CACNA1E: variants seen among roughly 807,000 people sequenced by gnomAD.
CACNA1E encodes the protein calcium voltage-gated channel subunit alpha1 E.
CACNA1E carries 40 observed loss-of-function variants against 259.2 expected under a neutral mutation model. The observed-to-expected ratio is 0.15, with a 90% CI of 0.12 to 0.20. The LOEUF (loss-of-function observed/expected upper bound fraction) is 0.20. Ranked by LOEUF, CACNA1E falls within the 10% of genes least tolerant of loss-of-function variation. CACNA1E has a pLI of 1.00. For missense variants in CACNA1E, 1,874 were observed against 3,040.1 expected, an observed-to-expected ratio of 0.62 and a Z score of 9.02; for synonymous variants, 1,104 against 1,138.5, an observed-to-expected ratio of 0.97 and a Z score of 0.61.
At chr1:181,750,936 G>T (rs761484588) in intron 26 of CACNA1E, among the ~76,000 whole-genome samples, 7 of 151,584 alleles carry the variant, frequency 4.6e-5, no homozygotes, top group African/African-American at 1.5e-4. Context: ...TTTTGGCCTC[G>T]TTTTCTGTGA....
intron 2 of CACNA1E, among the ~76,000 whole-genome samples, chr1:181,473,577 G>T (rs1423603693): frequency 6.7e-6 from 1 of 149,720 alleles, no homozygotes; most frequent in Non-Finnish European, 1.5e-5. Flanking sequence ...TGCCATTTTT[G>T]CATGTAAGGA....
intron 43 of CACNA1E, among the ~76,000 whole-genome samples, chr1:181,786,052 T>C (rs1384091979): frequency 6.6e-6 from 1 of 152,218 alleles, no homozygotes; most frequent in African/African-American, 2.4e-5. Context: ...GAATGAACAA[T>C]AGAAGAAGGG....
At chr1:181,783,638 T>G (rs1343917254) in intron 39 of CACNA1E, 41 bp from the exon 40 acceptor site, 1 of 1,167,914 alleles carries the variant, frequency 8.6e-7, no homozygotes, top group African/African-American at 1.6e-5. Context: ...TTTCAATTTT[T>G]TTTTTTTTTG....
At position 181,803,547 on chromosome 1, in the gene CACNA1E, A is replaced by G. The variant is rs970205168; in HGVS notation, c.*4713A>G. The G allele has an allele frequency of 5.3e-5, 8 of 152,138 alleles. No individual in the cohort carries two copies. The highest frequency in any genetic ancestry group is 1.9e-4 in the African/African-American group (8 of 41,410). 9.4% of individuals were successfully genotyped at this position (152,138 alleles called of 1,614,324 possible). ...CATCATAGCCAGGTCTACCCCAAAT[A>G]GAGCAGCAGCTGATGGCTTCTCTGC... On this transcript the variant is annotated 3_prime_UTR_variant, in exon 48 of 48. Coordinates refer to ENST00000367573, the MANE Select transcript of CACNA1E (RefSeq NM_001205293.3).
intron 1 of CACNA1E, among the ~76,000 whole-genome samples, chr1:181,399,317 C>T (rs552419262): frequency 4.6e-5 from 7 of 150,654 alleles, no homozygotes; most frequent in South Asian, 2.1e-4. Context: ...GAGTTATTTC[C>T]GTAGAGCTAT....
chr1:181,335,652 G>A (rs1651651154), intron 1 of CACNA1E, among the ~76,000 whole-genome samples: 1 of 152,152 alleles, frequency 6.6e-6, no homozygotes, highest in African/African-American at 2.4e-5. Context: ...CCCTCTCTTT[G>A]GGCCTTTTTA....
intron 6 of CACNA1E, among the ~76,000 whole-genome samples, chr1:181,600,661 G>T (rs1653653007): frequency 6.6e-6 from 1 of 152,126 alleles, no homozygotes; most frequent in South Asian, 2.1e-4. Flanking sequence ...GGGGAGCCGA[G>T]AGAAGGGGCA....
At chr1:181,684,360 A>T (rs1468338297) in intron 7 of CACNA1E, among the ~76,000 whole-genome samples, 2 of 152,006 alleles carry the variant, frequency 1.3e-5, no homozygotes. Context: ...TAAGTTTCTT[A>T]TAGATTCTGG....
At chr1:181,762,938 C>T (rs766183842) in intron 33 of CACNA1E, among the ~76,000 whole-genome samples, 2 of 152,150 alleles carry the variant, frequency 1.3e-5, no homozygotes, top group African/African-American at 2.4e-5. Context: ...GTATGCATAG[C>T]GTTGCACTAG....
chr1:181,569,726 AT>A (rs1391794945), intron 3 of CACNA1E, among the ~76,000 whole-genome samples: 1 of 152,224 alleles, frequency 6.6e-6, no homozygotes, highest in East Asian at 1.9e-4. Flanking sequence ...CTAATCTGCA[AT>A]TGGAAATGTA....
chr1:181,322,181 A>G (rs1650408759), intron 1 of CACNA1E, among the ~76,000 whole-genome samples: 2 of 152,204 alleles, frequency 1.3e-5, no homozygotes, highest in South Asian at 4.1e-4. Flanking sequence ...ATGCTGGCAT[A>G]TATTACTTTG....
At chr1:181,750,674 A>G (rs1249541020) in intron 26 of CACNA1E, among the ~76,000 whole-genome samples, 187 bp downstream of exon 26, 1 of 152,144 alleles carries the variant, frequency 6.6e-6, no homozygotes, top group East Asian at 1.9e-4. Flanking sequence ...ATTGGTTTGG[A>G]TATGTATTCG....
chr1:181,776,219 G>A lies in CACNA1E; in HGVS notation c.5258G>A (p.Arg1753Gln), dbSNP rs371470806. ...GTCCGCGTCTGGGCAGAATATGACC[G>A]AGCAGCATGGTGCGTAGGCCCCTCG... ...EFVRVWAEYD[R>Q]AACGRIHYTE... The change falls in exon 38 of 48, where the codon CGA becomes CAA. Residue 1753 changes from arginine (R) to glutamine (Q), a missense_variant. Around this residue, in one of 14 missense-constraint regions of CACNA1E, gnomAD observed 147 missense variants for 337.1 expected, o/e 0.44. Transcript: ENST00000367573. The surrounding 1 kb of genome is among the most constrained non-coding windows in gnomAD (Gnocchi z 4.4). 27 of 1,613,850 alleles carry A rather than the reference G, an allele frequency of 1.7e-5. No homozygotes were observed. Among genetic ancestry groups the A allele is most frequent in the Middle Eastern group, 1.6e-4 (1 of 6,084 alleles).
chr1:181,701,324 A>G (rs1367401424), intron 7 of CACNA1E, among the ~76,000 whole-genome samples: 1 of 152,216 alleles, frequency 6.6e-6, no homozygotes, highest in Admixed American at 6.5e-5. Context: ...AGAAGAACAC[A>G]GCCATTTGTT....
intron 6 of CACNA1E, among the ~76,000 whole-genome samples, chr1:181,585,843 G>A (rs1357845210): frequency 6.6e-6 from 1 of 152,146 alleles, no homozygotes; most frequent in African/African-American, 2.4e-5. Context: ...AGTAGGAGAT[G>A]GAATAGTCAG....
intron 44 of CACNA1E, 81 bp downstream of exon 44, chr1:181,790,637 G>A: frequency 1.1e-6 from 1 of 922,142 alleles, no homozygotes; most frequent in Non-Finnish European, 1.8e-6. Flanking sequence ...CATAGTCATG[G>A]TCCGTCAGGA....
At chr1:181,771,227 C>A in intron 35 of CACNA1E, 66 bp from the exon 36 acceptor site, 2 of 905,670 alleles carry the variant, frequency 2.2e-6, no homozygotes, top group Non-Finnish European at 3.5e-6. Context: ...TTTGCCAACC[C>A]TCATGTGCTG....
At chr1:181,736,660 A>G (rs1420798801) in intron 22 of CACNA1E, among the ~76,000 whole-genome samples, 1 of 152,196 alleles carries the variant, frequency 6.6e-6, no homozygotes, top group East Asian at 1.9e-4. Context: ...AGTAACATCG[A>G]CAGGAGAACA....
At chr1:181,734,264 A>G (rs1177194259) in intron 21 of CACNA1E, among the ~76,000 whole-genome samples, 1 of 151,858 alleles carries the variant, frequency 6.6e-6, no homozygotes, top group Non-Finnish European at 1.5e-5. Flanking sequence ...ATATGATTCT[A>G]TTGCTCTTAT....
Sources: gnomAD v4.1 joint callset for allele counts (sites outside exome capture counted in the v4.1 genomes callset) on GRCh38, gnomAD v4.1.1 for gene constraint, gnomAD v4.1.1 regional missense constraint, Gnocchi (gnomAD v3.1) non-coding constraint, MANE v1.5 for transcripts, NCBI Gene and HGNC (gene_info 2026-07-23, HGNC 2026-07-21) for gene names.